Variants in CAMTA1 observed in about 807,000 individuals in gnomAD.
The protein encoded by CAMTA1 is calmodulin binding transcription activator 1.
In CAMTA1, 27 loss-of-function variants were observed where a neutral mutation model predicts 170.9. That is an observed-to-expected ratio of 0.16 (90% CI 0.12 to 0.22). The LOEUF is 0.22. Ranked by LOEUF, CAMTA1 falls within the 10% of genes least tolerant of loss-of-function variation. The pLI, the probability that CAMTA1 is intolerant of heterozygous loss-of-function variation, is 1.00. For synonymous variants in CAMTA1, 833 were observed against 891.5 expected (o/e 0.93, Z 1.17); for missense variants, 1,619 against 2,217.2 (o/e 0.73, Z 5.42).
intron 6 of CAMTA1, among the ~76,000 whole-genome samples, chr1:7,626,511 T>G (rs1457424456): frequency 6.6e-6 from 1 of 152,228 alleles, no homozygotes; most frequent in African/African-American, 2.4e-5. Context: ...GTGAAGAAGT[T>G]TGCTGGCCGG....
chr1:7,037,063 T>G (rs1703705521), intron 3 of CAMTA1, among the ~76,000 whole-genome samples: 1 of 152,236 alleles, frequency 6.6e-6, no homozygotes, highest in Non-Finnish European at 1.5e-5. Context: ...CTTTTGAGTT[T>G]GTTGATGATA....
At position 7,655,183 on chromosome 1, in the gene CAMTA1, CACAA is replaced by C. The variant is rs138741523; in HGVS notation, c.665-6539_665-6536del. ...CTATACACACCCACACACACCTATA[CACAA>C]ACACACACCCCTATACACACAAACA... On this transcript the variant is annotated intron_variant, in intron 7 of 22. Coordinates refer to ENST00000303635, the MANE Select transcript of CAMTA1 (RefSeq NM_015215.4). Among the ~76,000 whole-genome samples the C allele has an allele frequency of 3.9e-3, 574 of 146,954 alleles. 9 individuals are homozygous for C. Among genetic ancestry groups the C allele is most frequent in the African/African-American group, 0.014 (539 of 39,190 alleles).
At chr1:7,285,096 G>A (rs978191101) in intron 5 of CAMTA1, among the ~76,000 whole-genome samples, 19 of 152,182 alleles carry the variant, frequency 1.2e-4, no homozygotes, top group South Asian at 2.1e-4. Flanking sequence ...GTGGCCATGC[G>A]TCCTAGAGAG....
intron 11 of CAMTA1, among the ~76,000 whole-genome samples, chr1:7,704,375 G>T (rs1183421242): frequency 4.8e-5 from 7 of 146,240 alleles, no homozygotes; most frequent in Non-Finnish European, 9.1e-5. Context: ...AGCCGTCCCG[G>T]CCTCGAGGGA....
chr1:7,430,564 T>A (rs1346984075), intron 5 of CAMTA1, among the ~76,000 whole-genome samples: 2 of 152,094 alleles, frequency 1.3e-5, no homozygotes, highest in African/African-American at 4.8e-5. Context: ...ATGACGATGA[T>A]GGGGATGATG....
rs906733870 is a variant in CAMTA1, at chr1:7,101,142, C to T, written c.302+9771C>T. On this transcript the variant is annotated intron_variant, in intron 4 of 22. Coordinates refer to ENST00000303635, the MANE Select transcript of CAMTA1 (RefSeq NM_015215.4). ...GATGGTCATTTTGTTTTGTTTCTGG[C>T]GCCCCGCAGGCCCCGCAGTTTATTC... Among the ~76,000 whole-genome samples the T allele has an allele frequency of 3.9e-5, 6 of 152,176 alleles. No individual in the cohort carries two copies. In the South Asian group the frequency reaches 6.2e-4, roughly 16 times the overall value.
intron 5 of CAMTA1, among the ~76,000 whole-genome samples, chr1:7,428,745 C>G (rs1277401093): frequency 4.6e-5 from 7 of 152,128 alleles, no homozygotes; most frequent in Admixed American, 4.6e-4. Flanking sequence ...ACCCCACCAC[C>G]CCTGTGCCTA....
At chr1:7,375,111 T>C (rs1456284627) in intron 5 of CAMTA1, among the ~76,000 whole-genome samples, 1 of 152,170 alleles carries the variant, frequency 6.6e-6, no homozygotes, top group Non-Finnish European at 1.5e-5. Context: ...CCCCTGGGGT[T>C]GTCTGCAGGG....
intron 1 of CAMTA1, among the ~76,000 whole-genome samples, chr1:6,787,366 A>G (rs963703746): frequency 6.6e-6 from 1 of 152,098 alleles, no homozygotes; most frequent in Non-Finnish European, 1.5e-5. Flanking sequence ...ACATTTCTTT[A>G]GATCTTGTAG....
In CAMTA1 at chr1:7,250,232, C is replaced by T. The variant is rs78812205; in HGVS notation, c.438+606C>T. Among the ~76,000 whole-genome samples the T allele has an allele frequency of 1.9e-3, 287 of 152,270 alleles. 7 individuals carry two copies. In the East Asian group the frequency reaches 0.026, roughly 14 times the overall value. ...CTGGTTTCCTTGCTGTTGTTTTCAC[C>T]CCACAGACTCTCAACCTTGGGCAGC... On this transcript the variant is annotated intron_variant, in intron 5 of 22. Coordinates refer to ENST00000303635, the MANE Select transcript of CAMTA1 (RefSeq NM_015215.4).
At chr1:7,755,364 T>C (rs952049592) in intron 21 of CAMTA1, among the ~76,000 whole-genome samples, 2 of 138,920 alleles carry the variant, frequency 1.4e-5, no homozygotes, top group Non-Finnish European at 3.1e-5. Context: ...GAAAACCTCA[T>C]ATGACACCCT....
chr1:7,064,216 C>T lies in CAMTA1; in HGVS notation c.235-27088C>T, dbSNP rs1708672893. 2.6e-5 allele frequency among the ~76,000 whole-genome samples: 4 copies of T among 151,910 alleles called. No individual in the cohort carries two copies. The South Asian group carries it at 8.4e-4, about 32-fold the overall frequency. Reference sequence around the variant, plus strand: ...CTCTTCTTTCTCCCCTTTCCTCCTGCTCCTCCTCCTGCTCCTTCCTCTTGT... The same window carrying T: ...CTCTTCTTTCTCCCCTTTCCTCCTGTTCCTCCTCCTGCTCCTTCCTCTTGT... On this transcript the variant is annotated intron_variant, in intron 3 of 22. Coordinates refer to ENST00000303635, the MANE Select transcript of CAMTA1 (RefSeq NM_015215.4). This position sits in a 1 kb window ranked among gnomAD's most constrained non-coding sequence, Gnocchi z 5.4.
Position 7,041,509 on chromosome 1 carries a change from T to C in CAMTA1, c.235-49795T>C, listed in dbSNP as rs181300485. ...TTTTGCATTGAACTGTGTCGTTATGTGGGGCTGAGAAACTCTTACGAAATT... is the reference window on the plus strand; with the variant it reads ...TTTTGCATTGAACTGTGTCGTTATGCGGGGCTGAGAAACTCTTACGAAATT... On this transcript the variant is annotated intron_variant, in intron 3 of 22. Coordinates refer to ENST00000303635, the MANE Select transcript of CAMTA1 (RefSeq NM_015215.4). This position sits in a 1 kb window ranked among gnomAD's most constrained non-coding sequence, Gnocchi z 5.1. 6.6e-6 allele frequency among the ~76,000 whole-genome samples: 1 copy of C among 152,360 alleles called. No homozygotes were observed. Among genetic ancestry groups the C allele is most frequent in the East Asian group, 1.9e-4 (1 of 5,190 alleles).
intron 5 of CAMTA1, among the ~76,000 whole-genome samples, chr1:7,418,948 GAC>G (rs1204558388): frequency 6.6e-6 from 1 of 152,120 alleles, no homozygotes; most frequent in Non-Finnish European, 1.5e-5. Context: ...GGGATCTTCA[GAC>G]ACAGGTCAGA....
intron 3 of CAMTA1, among the ~76,000 whole-genome samples, chr1:7,086,351 G>C (rs1640741742): frequency 6.6e-6 from 1 of 152,110 alleles, no homozygotes; most frequent in African/African-American, 2.4e-5. Context: ...GGCTGTCTGC[G>C]TGGGTTGGAT....
chr1:7,351,075 TG>T (rs1423149147), intron 5 of CAMTA1, among the ~76,000 whole-genome samples: 1 of 152,210 alleles, frequency 6.6e-6, no homozygotes, highest in Non-Finnish European at 1.5e-5. Flanking sequence ...ATTTTGGTGG[TG>T]GCAGACCTCA....
intron 11 of CAMTA1, among the ~76,000 whole-genome samples, chr1:7,706,099 T>C (rs1019226076): frequency 3.3e-5 from 5 of 152,248 alleles, no homozygotes; most frequent in African/African-American, 1.2e-4. Context: ...AATGATGATA[T>C]TCTTGCAGAC....
intron 6 of CAMTA1, among the ~76,000 whole-genome samples, chr1:7,490,905 A>C (rs2093694004): frequency 6.6e-6 from 1 of 152,044 alleles, no homozygotes; most frequent in Non-Finnish European, 1.5e-5. Flanking sequence ...CATAACCCCA[A>C]AGCAGTTTAG....
chr1:7,416,635 A>G (rs191302194), intron 5 of CAMTA1, among the ~76,000 whole-genome samples: 75 of 152,234 alleles, frequency 4.9e-4, no homozygotes, highest in Non-Finnish European at 9.3e-4. Context: ...ACTTCTCTGC[A>G]TTGGTTATTC....
Sources: gnomAD v4.1 joint callset for allele counts (sites outside exome capture counted in the v4.1 genomes callset) on GRCh38, gnomAD v4.1.1 for gene constraint, Gnocchi (gnomAD v3.1) non-coding constraint, MANE v1.5 for transcripts, NCBI Gene and HGNC (gene_info 2026-07-23, HGNC 2026-07-21) for gene names.